B4GALT6: variants seen among roughly 807,000 people sequenced by gnomAD.
B4GALT6 encodes beta-1,4-galactosyltransferase 6, also known as UDP-Gal:beta-GlcNAc beta-1,4-galactosyltransferase 6.
B4GALT6 carries 14 observed loss-of-function variants against 46.3 expected under a neutral mutation model. That is an observed-to-expected ratio of 0.30 (90% confidence interval 0.20 to 0.47). The LOEUF (loss-of-function observed/expected upper bound fraction) is 0.47. B4GALT6 is among the 20% of genes least tolerant of loss of function. The pLI is 0.99. For missense variants in B4GALT6, 386 were observed against 480.1 expected (o/e 0.80, Z 1.83); for synonymous variants, 168 against 162.0 (o/e 1.04, Z -0.28).
chr18:31,694,335 C>T, the B4GALT6 span, among the ~76,000 whole-genome samples: 1,066 of 152,276 alleles, frequency 7.0e-3, 12 homozygotes, highest in African/African-American at 0.025. Flanking sequence ...GAGATCAGTA[C>T]ATATAAAAAA....
At chr18:31,715,537 C>CTTTTTTTT in the B4GALT6 span, among the ~76,000 whole-genome samples, 119 of 49,628 alleles carry the variant, frequency 2.4e-3, 16 homozygotes, top group East Asian at 0.019. Flanking sequence ...CTGGAACTGT[C>CTTTTTTTT]TTTTTTTTTT....
At chr18:31,682,667 T>C (rs957763821) in intron 1 of B4GALT6, among the ~76,000 whole-genome samples, 1 of 152,206 alleles carries the variant, frequency 6.6e-6, no homozygotes, top group African/African-American at 2.4e-5. Context: ...TTGAGTAATA[T>C]AACTTTAACA....
the B4GALT6 span, among the ~76,000 whole-genome samples, chr18:31,696,389 T>G: frequency 1.3e-5 from 2 of 152,230 alleles, no homozygotes; most frequent in Non-Finnish European, 2.9e-5. Context: ...TCCATTTAGA[T>G]TCTCTTGGCT....
chr18:31,627,277 A>G (rs1259627096), intron 6 of B4GALT6, among the ~76,000 whole-genome samples, 156 bp from the exon 7 acceptor site: 2 of 152,136 alleles, frequency 1.3e-5, no homozygotes, highest in African/African-American at 2.4e-5. Flanking sequence ...GACATAAAAC[A>G]TTTTTATATT....
At chr18:31,722,776 G>C in the B4GALT6 span, among the ~76,000 whole-genome samples, 1 of 152,148 alleles carries the variant, frequency 6.6e-6, no homozygotes, top group East Asian at 1.9e-4. Flanking sequence ...AAACCACAGC[G>C]CTACTATGAT....
intron 5 of B4GALT6, among the ~76,000 whole-genome samples, chr18:31,637,498 A>C (rs2073874523): frequency 7.8e-6 from 1 of 128,746 alleles, no homozygotes; most frequent in Non-Finnish European, 1.7e-5. Flanking sequence ...TCCTCTACCA[A>C]GAAAGATGAC....
chr18:31,681,808 T>G (rs2074483116), intron 1 of B4GALT6, among the ~76,000 whole-genome samples: 1 of 152,228 alleles, frequency 6.6e-6, no homozygotes, highest in African/African-American at 2.4e-5. Context: ...AATAGGAATT[T>G]CTTAACAGAG....
chr18:31,722,926 C>T, the B4GALT6 span, among the ~76,000 whole-genome samples: 353 of 152,268 alleles, frequency 2.3e-3, 2 homozygotes, highest in Non-Finnish European at 3.7e-3. Flanking sequence ...TGATTATTCA[C>T]GTTTATGAGT....
the B4GALT6 span, among the ~76,000 whole-genome samples, chr18:31,715,246 G>A: frequency 3.3e-5 from 5 of 151,882 alleles, no homozygotes; most frequent in Admixed American, 6.6e-5. Flanking sequence ...TGTTTTTAGC[G>A]ACAGGGTCTC....
At chr18:31,664,583 G>A (rs1353820538) in intron 2 of B4GALT6, among the ~76,000 whole-genome samples, 2 of 145,806 alleles carry the variant, frequency 1.4e-5, no homozygotes, top group Non-Finnish European at 3.0e-5. Flanking sequence ...TCTTGCCCAT[G>A]TAATCATTCC....
chr18:31,676,229 A>AT (rs1466677915), intron 1 of B4GALT6, among the ~76,000 whole-genome samples: 1 of 152,180 alleles, frequency 6.6e-6, no homozygotes, highest in African/African-American at 2.4e-5. Context: ...GTAAAATCAT[A>AT]TTAACACTTG....
At chr18:31,630,926 C>T (rs373088056) in intron 6 of B4GALT6, 33 bp downstream of exon 6, 422 of 1,600,510 alleles carry the variant, frequency 2.6e-4, no homozygotes, top group South Asian at 6.7e-4. Flanking sequence ...GCAATTATAT[C>T]GTACAATATC....
At chr18:31,715,133 C>T in the B4GALT6 span, among the ~76,000 whole-genome samples, 5 of 152,132 alleles carry the variant, frequency 3.3e-5, no homozygotes, top group Non-Finnish European at 5.9e-5. Flanking sequence ...GTTTAGGAAG[C>T]CTGATCATAT....
chr18:31,700,462 T>TGA, the B4GALT6 span, among the ~76,000 whole-genome samples: 406 of 146,430 alleles, frequency 2.8e-3, 2 homozygotes, highest in Middle Eastern at 0.024. Flanking sequence ...TGTGTGTGTG[T>TGA]GTGTGTGAGA....
At chr18:31,700,792 C>G in the B4GALT6 span, among the ~76,000 whole-genome samples, 2 of 152,000 alleles carry the variant, frequency 1.3e-5, no homozygotes, top group Non-Finnish European at 2.9e-5. Flanking sequence ...ACAAGGATGA[C>G]CTTTGGTGTC....
At chr18:31,648,255 C>A (rs935858573) in intron 3 of B4GALT6, among the ~76,000 whole-genome samples, 4 of 152,132 alleles carry the variant, frequency 2.6e-5, no homozygotes, top group South Asian at 4.1e-4. Flanking sequence ...TGGTTTCTTT[C>A]CCAGTTAGAG....
At chr18:31,655,878 G>A (rs550379779) in intron 3 of B4GALT6, among the ~76,000 whole-genome samples, 1 of 152,204 alleles carries the variant, frequency 6.6e-6, no homozygotes, top group East Asian at 1.9e-4. Flanking sequence ...CAAAGAGACA[G>A]CAAGATTAGA....
chr18:31,646,096 T>C (rs2073987599), intron 3 of B4GALT6, among the ~76,000 whole-genome samples: 1 of 152,246 alleles, frequency 6.6e-6, no homozygotes, highest in Non-Finnish European at 1.5e-5. Context: ...TGTTAGCTAC[T>C]ATTACTGTTA....
chr18:31,685,314 CG>C (rs2074534156), upstream of B4GALT6, among the ~76,000 whole-genome samples: 1 of 151,402 alleles, frequency 6.6e-6, no homozygotes. Flanking sequence ...CGGGCAGAGC[CG>C]GGGAGCCGGA....
Sources: allele counts gnomAD v4.1 joint callset (sites outside exome capture counted in the v4.1 genomes callset), GRCh38; gene constraint gnomAD v4.1.1; transcripts MANE v1.5; gene names NCBI Gene and HGNC (gene_info 2026-07-23, HGNC 2026-07-21).